CPVL: variants seen among roughly 807,000 people sequenced by gnomAD.
The protein encoded by CPVL is probable serine carboxypeptidase CPVL.
CPVL carries 51 observed loss-of-function variants against 63.7 expected under a neutral mutation model. That is an observed-to-expected ratio of 0.80 (90% CI 0.64 to 1.01). The LOEUF (loss-of-function observed/expected upper bound fraction) is 1.01, where lower values mean the gene tolerates loss of function less well. CPVL is among the 50% of genes least tolerant of loss of function. CPVL has a pLI of 0.00. For synonymous variants in CPVL, 195 were observed against 206.0 expected (o/e 0.95, Z 0.46); for missense variants, 530 against 573.1 (o/e 0.92, Z 0.77).
intron 9 of CPVL, among the ~76,000 whole-genome samples, chr7:29,066,815 A>C (rs1269069253): frequency 6.6e-6 from 1 of 152,218 alleles, no homozygotes; most frequent in Admixed American, 6.5e-5. Context: ...GCATGGTTGC[A>C]TGCTTTCCTC....
chr7:29,124,272 A>G (rs1443265093), intron 1 of CPVL, among the ~76,000 whole-genome samples: 2 of 152,190 alleles, frequency 1.3e-5, no homozygotes, highest in Non-Finnish European at 2.9e-5. Context: ...CAGAAAGTTG[A>G]AAAAGAAAAT....
chr7:29,116,859 T>G (rs1400763434), intron 2 of CPVL, among the ~76,000 whole-genome samples: 2 of 152,212 alleles, frequency 1.3e-5, no homozygotes, highest in Admixed American at 1.3e-4. Context: ...ATTTAAAAAT[T>G]AAAAATTTCC....
chr7:29,141,504 C>T (rs1192174954), intron 1 of CPVL, among the ~76,000 whole-genome samples: 3 of 151,234 alleles, frequency 2.0e-5, no homozygotes, highest in Admixed American at 6.6e-5. Context: ...GAGCCAAGAT[C>T]GCCCCACTGC....
intron 1 of CPVL, among the ~76,000 whole-genome samples, chr7:29,129,383 C>A (rs1297176416): frequency 6.6e-6 from 1 of 152,130 alleles, no homozygotes; most frequent in African/African-American, 2.4e-5. Context: ...GAAGTTCTAT[C>A]TCCTAGTACC....
At chr7:29,146,576 A>G (rs1284610033), upstream of CPVL, 1 of 1,548,258 alleles carries the variant, frequency 6.5e-7, no homozygotes, top group Admixed American at 2.0e-5. Context: ...GCGCTCCTCT[A>G]GGCTCACATG....
chr7:29,002,411 T>C (rs1414474574), intron 12 of CPVL, among the ~76,000 whole-genome samples: 3 of 152,222 alleles, frequency 2.0e-5, no homozygotes, highest in Non-Finnish European at 4.4e-5. Context: ...GCCTCTACTC[T>C]GTATGCCTTC....
At position 29,095,168 on chromosome 7, in the gene CPVL, GA is replaced by G; in HGVS notation, c.404-27del. On this transcript the variant is annotated intron_variant, in intron 4 of 12. Transcript: ENST00000265394. ...CTGTGAAAACAAAGAAGAGGGGTGA[GA>G]TAGAGTCGTGGACAAGCATTCCACC... 3.1e-6 allele frequency: 5 copies of G among 1,604,018 alleles called. No homozygotes were observed. The South Asian group carries it at 5.5e-5, about 18-fold the overall frequency.
At chr7:29,068,340 GA>G (rs1246619661) in intron 9 of CPVL, among the ~76,000 whole-genome samples, 1 of 152,142 alleles carries the variant, frequency 6.6e-6, no homozygotes, top group Non-Finnish European at 1.5e-5. Context: ...TTTCAAACAT[GA>G]AAGAACTTAT....
intron 3 of CPVL, among the ~76,000 whole-genome samples, chr7:29,108,003 A>G (rs1787891678): frequency 6.6e-6 from 1 of 152,150 alleles, no homozygotes; most frequent in African/African-American, 2.4e-5. Flanking sequence ...TTTCTCTCCA[A>G]TTGACTGCTG....
intron 10 of CPVL, among the ~76,000 whole-genome samples, chr7:29,065,805 G>C (rs988868511): frequency 1.3e-5 from 2 of 152,032 alleles, no homozygotes; most frequent in African/African-American, 2.4e-5. Flanking sequence ...AAGTTGTTTT[G>C]AGTTATCTGA....
intron 11 of CPVL, among the ~76,000 whole-genome samples, chr7:29,056,775 G>A (rs1751530260): frequency 6.6e-6 from 1 of 152,094 alleles, no homozygotes; most frequent in Non-Finnish European, 1.5e-5. Flanking sequence ...CAAGGTGGCT[G>A]TATCATTTTG....
intron 7 of CPVL, among the ~76,000 whole-genome samples, chr7:29,075,321 G>A (rs73089772): frequency 0.1 from 15,275 of 152,050 alleles, 1,035 homozygotes; most frequent in Non-Finnish European, 0.14. Flanking sequence ...TATGAGCCAG[G>A]CTACCTCACC....
In CPVL at chr7:29,047,626, A is replaced by T. The variant is rs556865084; in HGVS notation, c.1137+16435T>A. ...TTTGGAAAAGAGATTTGGGGGAATA[A>T]TCGAGGAAAACTTCCCTGGCCTTGC... On this transcript the variant is annotated intron_variant, in intron 11 of 12. Coordinates refer to ENST00000265394, the MANE Select transcript of CPVL (RefSeq NM_031311.5). Among the ~76,000 whole-genome samples, 4 of 152,360 alleles carry T rather than the reference A, an allele frequency of 2.6e-5. No homozygotes were observed. The East Asian group carries it at 7.7e-4, about 29-fold the overall frequency.
intron 5 of CPVL, among the ~76,000 whole-genome samples, chr7:29,171,640 A>G (rs1471467891): frequency 2.6e-5 from 4 of 152,162 alleles, no homozygotes; most frequent in Non-Finnish European, 5.9e-5. Flanking sequence ...TCCACAAACT[A>G]AATACTTGTC....
chr7:29,052,284 T>A, intron 11 of CPVL, among the ~76,000 whole-genome samples: 1 of 150,386 alleles, frequency 6.6e-6, no homozygotes. Context: ...CCCAATAACC[T>A]ATGGGGAAAA....
chr7:29,135,103 CAA>C (rs56954460), intron 1 of CPVL, among the ~76,000 whole-genome samples: 69,862 of 120,934 alleles, frequency 0.58, 19,280 homozygotes, highest in East Asian at 0.77. Flanking sequence ...GACCTTGCCT[CAA>C]AAAAAAAAAA....
intron 5 of CPVL, among the ~76,000 whole-genome samples, chr7:29,153,022 G>A (rs1033773415): frequency 2.0e-5 from 3 of 152,266 alleles, no homozygotes; most frequent in Non-Finnish European, 4.4e-5. Context: ...AGGGAAGGAT[G>A]TCCAGGAGAA....
At chr7:29,096,347 AC>A (rs1198099201) in intron 3 of CPVL, 130 bp from the exon 4 acceptor site, 1 of 683,118 alleles carries the variant, frequency 1.5e-6, no homozygotes, top group Non-Finnish European at 2.6e-6. Context: ...ACCTCCCCAG[AC>A]CTCAGTAACC....
At chr7:29,056,730 T>C (rs1233377766) in intron 11 of CPVL, among the ~76,000 whole-genome samples, 1 of 152,168 alleles carries the variant, frequency 6.6e-6, no homozygotes, top group Non-Finnish European at 1.5e-5. Context: ...GGTAAGAGTA[T>C]ATTAAATTTT....
Sources: allele counts gnomAD v4.1 joint callset (sites outside exome capture counted in the v4.1 genomes callset), GRCh38; gene constraint gnomAD v4.1.1; transcripts MANE v1.5; gene names NCBI Gene and HGNC (gene_info 2026-07-23, HGNC 2026-07-21).